The following SEMA5A variants were observed in gnomAD, a reference collection of about 807,000 sequenced individuals.
SEMA5A encodes the protein semaphorin 5A, also known as semaphorin-5A.
Under a neutral mutation model 135.5 loss-of-function variants are expected in SEMA5A, and 55 were observed. The ratio of observed to expected loss-of-function variants is 0.41; its 90% CI spans 0.33 to 0.51. SEMA5A has a LOEUF of 0.51. Among genes scored for constraint, SEMA5A ranks in the 20% least tolerant of loss-of-function variants. SEMA5A has a pLI of 0.37. For synonymous variants in SEMA5A, 580 were observed against 546.5 expected, an observed-to-expected ratio of 1.06 and a Z score of -0.85; for missense variants, 1,290 against 1,419.9, an observed-to-expected ratio of 0.91 and a Z score of 1.47.
chr5:9,062,142 C>T (rs1737215855), intron 18 of SEMA5A, among the ~76,000 whole-genome samples: 1 of 152,234 alleles, frequency 6.6e-6, no homozygotes, highest in African/African-American at 2.4e-5. Context: ...GTTCCTTTTA[C>T]AATCAGAAGA....
intron 1 of SEMA5A, among the ~76,000 whole-genome samples, chr5:9,498,158 T>C (rs997197042): frequency 6.6e-6 from 1 of 152,210 alleles, no homozygotes; most frequent in East Asian, 1.9e-4. Context: ...GGGCCCAACC[T>C]GGAGCTTACC....
At chr5:9,364,365 C>T (rs1722722491) in intron 3 of SEMA5A, among the ~76,000 whole-genome samples, 1 of 152,102 alleles carries the variant, frequency 6.6e-6, no homozygotes, top group African/African-American at 2.4e-5. Flanking sequence ...GAATGTAATT[C>T]CTACTACATA....
intron 18 of SEMA5A, among the ~76,000 whole-genome samples, chr5:9,055,733 T>C (rs1316965441): frequency 2.6e-5 from 4 of 152,306 alleles, no homozygotes; most frequent in Admixed American, 2.6e-4. Flanking sequence ...TTCAATAGTT[T>C]ACACAAACTT....
intron 4 of SEMA5A, among the ~76,000 whole-genome samples, chr5:9,327,113 A>C (rs767990731): frequency 6.6e-6 from 1 of 152,192 alleles, no homozygotes; most frequent in Non-Finnish European, 1.5e-5. Flanking sequence ...CAAAATTACA[A>C]AGCCTTTCCA....
chr5:9,284,745 G>A (rs935757233), intron 5 of SEMA5A, among the ~76,000 whole-genome samples: 6 of 152,106 alleles, frequency 3.9e-5, no homozygotes, highest in South Asian at 4.1e-4. Context: ...AACAGCCTTC[G>A]TATTTCTTCT....
chr5:9,066,424 C>T lies in SEMA5A; in HGVS notation c.2296G>A (p.Asp766Asn), dbSNP rs186187051. 2 of 1,614,100 alleles carry T rather than the reference C, an allele frequency of 1.2e-6. No homozygotes were observed. The highest frequency in any genetic ancestry group is 3.3e-5 in the Admixed American group (2 of 60,034). Residue 766 changes from aspartate to asparagine, a missense_variant, in exon 17 of 23, where the codon GAT (aspartate) becomes AAT (asparagine). By Grantham distance (23) the Asp-to-Asn change is conservative. This residue lies in a region of SEMA5A where 1,029 missense variants were observed against 1,086.6 expected (regional missense o/e 0.95). Coordinates refer to ENST00000382496, the MANE Select transcript of SEMA5A (RefSeq NM_003966.3). ...TCCCCACGGAATCACTACTCACCATCTGTGGAGCAGCCACTGGTGCCGTCG... is the reference window on the plus strand; with the variant it reads ...TCCCCACGGAATCACTACTCACCATTTGTGGAGCAGCCACTGGTGCCGTCG... ...SSDGTSGCST[D>N]GLSGDFLRAG...
chr5:9,457,845 T>C (rs1758898746), intron 1 of SEMA5A, among the ~76,000 whole-genome samples: 1 of 150,894 alleles, frequency 6.6e-6, no homozygotes, highest in South Asian at 2.1e-4. Context: ...GGATAAGATT[T>C]TGATATGAGG....
chr5:9,053,769 A>C, intron 19 of SEMA5A: 1 of 218,868 alleles, frequency 4.6e-6, no homozygotes, highest in Non-Finnish European at 9.0e-6. Flanking sequence ...GTCAAGAATA[A>C]ATTGGGATGT....
At chr5:9,497,099 C>A (rs991980856) in intron 1 of SEMA5A, among the ~76,000 whole-genome samples, 2 of 152,170 alleles carry the variant, frequency 1.3e-5, no homozygotes, top group African/African-American at 4.8e-5. Context: ...TTTCTCTCCC[C>A]TTTAGTTGAG....
chr5:9,191,355 A>G (rs1260742282), intron 10 of SEMA5A, among the ~76,000 whole-genome samples: 6 of 152,198 alleles, frequency 3.9e-5, no homozygotes, highest in African/African-American at 1.4e-4. Flanking sequence ...AGGATGAGGT[A>G]AAAAGAGGGA....
intron 16 of SEMA5A, among the ~76,000 whole-genome samples, chr5:9,073,152 G>A (rs1737861568): frequency 6.6e-6 from 1 of 152,050 alleles, no homozygotes; most frequent in African/African-American, 2.4e-5. Context: ...CTACATGAAT[G>A]TAGTTTTCTA....
intron 3 of SEMA5A, among the ~76,000 whole-genome samples, chr5:9,362,580 G>A (rs1754744948): frequency 6.6e-6 from 1 of 152,090 alleles, no homozygotes; most frequent in Non-Finnish European, 1.5e-5. Context: ...GTAGTTTTAA[G>A]TCCGTCCTTT....
At chr5:9,134,782 G>A (rs1432532795) in intron 13 of SEMA5A, among the ~76,000 whole-genome samples, 1 of 152,136 alleles carries the variant, frequency 6.6e-6, no homozygotes, top group Non-Finnish European at 1.5e-5. Flanking sequence ...AAGATTTGCT[G>A]ATTCTTCCAA....
At chr5:9,519,263 G>T (rs1292481305) in intron 1 of SEMA5A, among the ~76,000 whole-genome samples, 1 of 152,148 alleles carries the variant, frequency 6.6e-6, no homozygotes, top group Non-Finnish European at 1.5e-5. Context: ...CCTAGAAAAA[G>T]AATTCTAAAA....
At chr5:9,448,325 G>C (rs931014895) in intron 1 of SEMA5A, among the ~76,000 whole-genome samples, 2 of 152,190 alleles carry the variant, frequency 1.3e-5, no homozygotes, top group African/African-American at 4.8e-5. Flanking sequence ...GAACTAAATG[G>C]GAAGGAAACA....
At chr5:9,542,605 T>G (rs1160386366) in intron 1 of SEMA5A, among the ~76,000 whole-genome samples, 1 of 152,216 alleles carries the variant, frequency 6.6e-6, no homozygotes, top group Non-Finnish European at 1.5e-5. Flanking sequence ...CTTGGTATAA[T>G]TATACCCCAA....
intron 13 of SEMA5A, among the ~76,000 whole-genome samples, chr5:9,132,918 C>T (rs1224061761): frequency 1.3e-5 from 2 of 152,224 alleles, no homozygotes; most frequent in Non-Finnish European, 2.9e-5. Context: ...GAGATACATA[C>T]CTCTATGATC....
intron 2 of SEMA5A, among the ~76,000 whole-genome samples, chr5:9,437,279 A>G (rs962226601): frequency 4.6e-5 from 7 of 152,032 alleles, no homozygotes; most frequent in South Asian, 4.2e-4. Context: ...TATGCCCACA[A>G]TTGTTTTACT....
At chr5:9,054,021 C>A (rs570828629) in intron 19 of SEMA5A, 66 bp downstream of exon 19, 1 of 1,516,930 alleles carries the variant, frequency 6.6e-7, no homozygotes, top group Non-Finnish European at 8.8e-7. Context: ...TCAATTACAC[C>A]ATTTATCCAT....
Sources: allele counts gnomAD v4.1 joint callset (sites outside exome capture counted in the v4.1 genomes callset), GRCh38; gene constraint gnomAD v4.1.1; regional missense constraint gnomAD v4.1.1; transcripts MANE v1.5; gene names NCBI Gene and HGNC (gene_info 2026-07-23, HGNC 2026-07-21).